Variants in PLEKHM1 observed in about 807,000 individuals in gnomAD.
PLEKHM1 encodes the protein pleckstrin homology domain-containing family M member 1.
In PLEKHM1, 28 loss-of-function variants were observed where a neutral mutation model predicts 94.3. The ratio of observed to expected loss-of-function variants is 0.30; its 90% CI spans 0.22 to 0.41. The LOEUF (loss-of-function observed/expected upper bound fraction) is 0.41. PLEKHM1 is among the 10% of genes least tolerant of loss of function. The probability of loss-of-function intolerance (pLI) is 1.00; values close to 1 mark genes in which losing one functional copy is unlikely to be tolerated. For missense variants in PLEKHM1, 907 were observed against 1,358.6 expected (o/e 0.67, Z 5.22); for synonymous variants, 424 against 581.2 (o/e 0.73, Z 3.89).
rs769056038 is a variant in PLEKHM1, at chr17:45,475,220, G to C, written c.803C>G (p.Ser268Cys). Residue 268 changes from serine (S) to cysteine (C), a missense_variant, in exon 4 of 12, where the codon TCT (serine) becomes TGT (cysteine). Transcript: ENST00000430334. ...SSSQLSCSLNSDSCLLQENGS... is the reference protein window; with the variant it reads ...SSSQLSCSLNCDSCLLQENGS... ...ATTCTCTTGGAGTAAGCAGCTATCA[G>C]AGTTTAGGCTGCAGGACAGCTGGGA... is the stretch of plus-strand genomic sequence containing the variant. The C allele has an allele frequency of 5.0e-6, 8 of 1,614,022 alleles. No homozygotes were observed. The highest frequency in any genetic ancestry group is 1.7e-4 in the Middle Eastern group (1 of 6,056).
Position 45,475,097 on chromosome 17 carries a change from C to T in PLEKHM1, c.923+3G>A. Reference sequence around the variant, plus strand: ...TGGGAAGGAGTGGGGGCAGCGTACTCACTCTTGCAGAGACCGGTCTGAGTC... The same window carrying T: ...TGGGAAGGAGTGGGGGCAGCGTACTTACTCTTGCAGAGACCGGTCTGAGTC... On this transcript the variant is annotated splice_donor_region_variant and intron_variant, in intron 4 of 11. Transcript: ENST00000430334. The T allele has an allele frequency of 6.2e-7, 1 of 1,613,998 alleles. No individual in the cohort carries two copies. The highest frequency in any genetic ancestry group is 8.5e-7 in the Non-Finnish European group (1 of 1,179,856).
chr17:45,454,218 C>T lies in PLEKHM1; in HGVS notation c.1634G>A (p.Gly545Glu). 1 of 1,610,944 alleles carries T rather than the reference C, an allele frequency of 6.2e-7. No homozygotes were observed. Among genetic ancestry groups the T allele is most frequent in the Non-Finnish European group, 8.5e-7 (1 of 1,178,710 alleles). The change falls in exon 7 of 12, where the codon GGG (glycine) becomes GAG (glutamate). Residue 545 changes from glycine to glutamate, a missense_variant. By Grantham distance (98) the Gly-to-Glu change is moderately conservative. Around this residue, in one of 3 missense-constraint regions of PLEKHM1, gnomAD observed 477 missense variants for 601.5 expected, o/e 0.79. Transcript: ENST00000430334. ...LMKLGTVERR[G>E]AMGIWKELFC... ...GAGCTCCTTCCAGATGCCCATTGCC[C>T]CCCGCCGCTCCACGGTGCCCAGCTT...
intron 9 of PLEKHM1, among the ~76,000 whole-genome samples, chr17:45,441,527 A>G (rs2050446594): frequency 6.6e-6 from 1 of 152,192 alleles, no homozygotes; most frequent in Non-Finnish European, 1.5e-5. Context: ...GTTGGCCTTC[A>G]GCTGGCAGGA....
intron 8 of PLEKHM1, among the ~76,000 whole-genome samples, chr17:45,446,630 C>T (rs1454369368): frequency 3.9e-5 from 6 of 152,158 alleles, no homozygotes; most frequent in African/African-American, 7.2e-5. Flanking sequence ...CTAGTCCTCT[C>T]GTTACATATT....
intron 4 of PLEKHM1, among the ~76,000 whole-genome samples, chr17:45,474,506 C>T (rs1307639358): frequency 6.6e-6 from 1 of 152,204 alleles, no homozygotes; most frequent in African/African-American, 2.4e-5. Flanking sequence ...CTGTGTCCCC[C>T]AGGAGGTATT....
intron 4 of PLEKHM1, among the ~76,000 whole-genome samples, chr17:45,471,803 A>C (rs879775475): frequency 6.6e-6 from 1 of 152,170 alleles, no homozygotes. Flanking sequence ...CAATACCATC[A>C]ATTGAGCACT....
At position 45,477,700 on chromosome 17, in the gene PLEKHM1, G is replaced by C. The variant is rs1157237907; in HGVS notation, c.296+200C>G. ...CTTGCCTGAGTGCTGAGGGTCTCAA[G>C]ATCTGCTGGCACACTGGCTGGGAAG... On this transcript the variant is annotated intron_variant, in intron 3 of 11. Transcript: ENST00000430334. The C allele has an allele frequency of 4.7e-6, 3 of 644,954 alleles. No homozygotes were observed. In the African/African-American group the frequency reaches 5.3e-5, roughly 12 times the overall value. 40.0% of individuals were successfully genotyped at this position (644,954 alleles called of 1,614,324 possible).
chr17:45,467,146 C>A (rs1194862244), intron 5 of PLEKHM1, among the ~76,000 whole-genome samples: 1 of 152,222 alleles, frequency 6.6e-6, no homozygotes, highest in Non-Finnish European at 1.5e-5. Context: ...TGGGGTCTCA[C>A]TTTGTTACCC....
intron 8 of PLEKHM1, among the ~76,000 whole-genome samples, chr17:45,449,213 C>A (rs2050695835): frequency 6.8e-6 from 1 of 147,374 alleles, no homozygotes; most frequent in Non-Finnish European, 1.5e-5. Context: ...GATGACTGCT[C>A]CAAGGTATAG....
At chr17:45,451,209 A>G (rs2050764689) in intron 7 of PLEKHM1, among the ~76,000 whole-genome samples, 1 of 152,214 alleles carries the variant, frequency 6.6e-6, no homozygotes, top group Non-Finnish European at 1.5e-5. Flanking sequence ...GGCTGTGGCA[A>G]GCAGCGAAGT....
At chr17:45,483,381 A>C (rs1220397132) in intron 1 of PLEKHM1, among the ~76,000 whole-genome samples, 5 of 149,700 alleles carry the variant, frequency 3.3e-5, no homozygotes, top group African/African-American at 1.2e-4. Context: ...TGAGTGGTTA[A>C]ATCCCTCAGG....
At position 45,437,715 on chromosome 17, in the gene PLEKHM1, G is replaced by C; in HGVS notation, c.*143C>G. 2 of 738,456 alleles carry C rather than the reference G, an allele frequency of 2.7e-6. No homozygotes were observed. Among genetic ancestry groups the C allele is most frequent in the Non-Finnish European group, 2.4e-6 (1 of 414,170 alleles). The allele number at this position is 738,456 out of a possible 1,614,324, so 45.7% of individuals were successfully genotyped here. A position where few individuals can be genotyped will look rare whatever the true frequency, so the allele number is the denominator to read the frequency against. The stretch of plus-strand genomic sequence containing the variant: ...CTTCCTGGGCTTTCTCTGGGAGGCC[G>C]GTGCTCTGGCCACATCTGAGGGTCT... On this transcript the variant is annotated 3_prime_UTR_variant, in exon 12 of 12. Coordinates refer to ENST00000430334, the MANE Select transcript of PLEKHM1 (RefSeq NM_014798.3). The surrounding 1 kb of genome is among the most constrained non-coding windows in gnomAD (Gnocchi z 4.0).
intron 8 of PLEKHM1, among the ~76,000 whole-genome samples, chr17:45,449,683 T>C (rs1322492123): frequency 7.8e-6 from 1 of 128,444 alleles, no homozygotes. Flanking sequence ...CTCATCCACC[T>C]ACCTACCTGC....
chr17:45,484,030 T>C (rs2052036504), intron 1 of PLEKHM1, among the ~76,000 whole-genome samples: 1 of 152,222 alleles, frequency 6.6e-6, no homozygotes, highest in South Asian at 2.1e-4. Context: ...CCTCTCCCTT[T>C]TGGAGCTTAG....
chr17:45,469,019 G>C (rs2051414483), intron 4 of PLEKHM1, among the ~76,000 whole-genome samples: 1 of 148,170 alleles, frequency 6.7e-6, no homozygotes, highest in African/African-American at 2.4e-5. Flanking sequence ...AGAGATGCCA[G>C]GACTCTGCCC....
chr17:45,438,837 G>A (rs574634802), intron 11 of PLEKHM1, among the ~76,000 whole-genome samples: 5 of 152,276 alleles, frequency 3.3e-5, no homozygotes, highest in Non-Finnish European at 7.3e-5. Context: ...GATTACAGGC[G>A]TGAGCCACCA....
At chr17:45,439,323 C>T (rs1341694890) in intron 11 of PLEKHM1, among the ~76,000 whole-genome samples, 154 bp downstream of exon 11, 3 of 152,208 alleles carry the variant, frequency 2.0e-5, no homozygotes, top group Non-Finnish European at 4.4e-5. Context: ...CATGGGCTGC[C>T]CCAACAACTG....
Position 45,444,743 on chromosome 17 carries a change from C to T in PLEKHM1, c.2837+727G>A, listed in dbSNP as rs1417382453. 2.6e-5 allele frequency among the ~76,000 whole-genome samples: 4 copies of T among 152,056 alleles called. No individual in the cohort carries two copies. The highest frequency in any genetic ancestry group is 9.7e-5 in the African/African-American group (4 of 41,368). On this transcript the variant is annotated intron_variant, in intron 9 of 11. Transcript: ENST00000430334. This position sits in a 1 kb window ranked among gnomAD's most constrained non-coding sequence, Gnocchi z 5.0. ...CCCCCTTTGCTTCTCCTTTCTGATT[C>T]TTCCTAATTTTTCAAGTCTCACCTT...
rs1033700358 is a variant in PLEKHM1 at position 45,454,037 on chromosome 17, C to A, written c.1815G>T (p.Leu605=). Residue 605 remains leucine, a synonymous_variant, in exon 7 of 12, where the codon CTG becomes CTT. Coordinates refer to ENST00000430334, the MANE Select transcript of PLEKHM1 (RefSeq NM_014798.3). ...ELVFSGKKLA[L]RASSQDEAED... ...CAGCTTCGTCCTGGGAGGAGGCGCG[C>A]AGGGCCAGCTTCTTGCCAGAGAAGA... The A allele has an allele frequency of 6.2e-7, 1 of 1,614,144 alleles. No homozygotes were observed. Among genetic ancestry groups the A allele is most frequent in the South Asian group, 1.1e-5 (1 of 91,088 alleles).
Sources: gnomAD v4.1 joint callset for allele counts (sites outside exome capture counted in the v4.1 genomes callset) on GRCh38, gnomAD v4.1.1 for gene constraint, gnomAD v4.1.1 regional missense constraint, Gnocchi (gnomAD v3.1) non-coding constraint, MANE v1.5 for transcripts, NCBI Gene and HGNC (gene_info 2026-07-23, HGNC 2026-07-21) for gene names.